TUSC3: variants seen among roughly 807,000 people sequenced by gnomAD.
TUSC3 encodes tumor suppressor candidate 3.
Under a neutral mutation model 44.8 loss-of-function variants are expected in TUSC3, and 45 were observed. The observed-to-expected ratio is 1.00, with a 90% confidence interval of 0.79 to 1.29. The LOEUF (loss-of-function observed/expected upper bound fraction) is 1.29. Among genes scored for constraint, TUSC3 ranks in the 50% most tolerant of loss-of-function variants. The pLI, the probability that TUSC3 is intolerant of heterozygous loss-of-function variation, is 0.00. For missense variants in TUSC3, 519 were observed against 437.9 expected (o/e 1.19, Z -1.65); for synonymous variants, 212 against 152.9 (o/e 1.39, Z -2.85).
intron 1 of TUSC3, among the ~76,000 whole-genome samples, chr8:15,420,736 C>T (rs774526532): frequency 2.0e-5 from 3 of 152,102 alleles, no homozygotes; most frequent in Non-Finnish European, 2.9e-5. Flanking sequence ...CTTCTTGTAA[C>T]GGCACAGTTT....
intron 3 of TUSC3, among the ~76,000 whole-genome samples, chr8:15,657,698 C>G (rs993285590): frequency 6.6e-6 from 1 of 152,160 alleles, no homozygotes; most frequent in African/African-American, 2.4e-5. Context: ...CAGATTCTTT[C>G]AGTCTCTACC....
chr8:15,851,838 C>G, the TUSC3 span, among the ~76,000 whole-genome samples: 1 of 152,100 alleles, frequency 6.6e-6, no homozygotes, highest in Non-Finnish European at 1.5e-5. Flanking sequence ...CCCATAATTC[C>G]CACGTGTTGT....
intron 1 of TUSC3, among the ~76,000 whole-genome samples, chr8:15,561,083 C>T (rs1207896455): frequency 3.2e-5 from 4 of 125,426 alleles, no homozygotes; most frequent in Non-Finnish European, 5.1e-5. Context: ...AGGCGCTCTG[C>T]GTTTTAGAGT....
At chr8:15,832,090 G>A in the TUSC3 span, among the ~76,000 whole-genome samples, 1 of 152,132 alleles carries the variant, frequency 6.6e-6, no homozygotes, top group Non-Finnish European at 1.5e-5. Flanking sequence ...ACTAACAGTG[G>A]ATTGCTCAGC....
At chr8:15,601,806 T>C (rs1422631859) in intron 1 of TUSC3, among the ~76,000 whole-genome samples, 2 of 151,708 alleles carry the variant, frequency 1.3e-5, no homozygotes, top group Non-Finnish European at 3.0e-5. Flanking sequence ...GAAGTAATTA[T>C]GGGTTTTGAG....
At chr8:15,615,644 A>G (rs1330588715) in intron 1 of TUSC3, among the ~76,000 whole-genome samples, 2 of 152,198 alleles carry the variant, frequency 1.3e-5, no homozygotes, top group African/African-American at 4.8e-5. Context: ...CAAGGAAATG[A>G]TAAATGTTTG....
chr8:15,702,199 T>G (rs1389642817), intron 6 of TUSC3, among the ~76,000 whole-genome samples: 3 of 152,130 alleles, frequency 2.0e-5, no homozygotes, highest in Non-Finnish European at 4.4e-5. Context: ...TAAAAGACTT[T>G]TCATAGGTAC....
intron 1 of TUSC3, among the ~76,000 whole-genome samples, chr8:15,563,495 G>A (rs1802551594): frequency 6.6e-6 from 1 of 152,052 alleles, no homozygotes; most frequent in African/African-American, 2.4e-5. Flanking sequence ...AGAACAGCCT[G>A]GCCAATATGG....
intron 6 of TUSC3, among the ~76,000 whole-genome samples, chr8:15,689,863 T>TGTGTGTGTGTGTGTAA (rs1554475557): frequency 2.6e-3 from 39 of 14,784 alleles, no homozygotes; most frequent in African/African-American, 4.3e-3. Flanking sequence ...TGTGTGTGTG[T>TGTGTGTGTGTGTGTAA]ATAAATATAT....
chr8:15,758,122 C>T, intron 10 of TUSC3: 2 of 1,179,686 alleles, frequency 1.7e-6, no homozygotes, highest in Non-Finnish European at 2.1e-6. Context: ...AACAAATATA[C>T]TTTCTTAACT....
rs1800558293 is a variant in TUSC3 at position 15,475,129 on chromosome 8, T to C, written n.92-8257T>C. Among the ~76,000 whole-genome samples, 2 of 152,146 alleles carry C rather than the reference T, an allele frequency of 1.3e-5. 1 individual carries two copies. Among genetic ancestry groups the C allele is most frequent in the Non-Finnish European group, 2.9e-5 (2 of 68,002 alleles). On this transcript the variant is annotated intron_variant and non_coding_transcript_variant, in intron 1 of 5. Transcript: ENST00000503191. ...AACAGCTAATATTATTGAGCAGTTA[T>C]TATGCTCTGAGGCACCATGCTACAC... is the stretch of plus-strand genomic sequence containing the variant.
the TUSC3 span, among the ~76,000 whole-genome samples, chr8:15,775,610 A>G: frequency 2.8e-5 from 4 of 141,734 alleles, no homozygotes; most frequent in Non-Finnish European, 4.5e-5. Flanking sequence ...ATTTACATGT[A>G]TGTACATATA....
chr8:15,762,279 C>T (rs1812194597), intron 10 of TUSC3, among the ~76,000 whole-genome samples: 1 of 151,520 alleles, frequency 6.6e-6, no homozygotes. Flanking sequence ...CTCTAATTGT[C>T]CTACAATAAA....
intron 1 of TUSC3, among the ~76,000 whole-genome samples, chr8:15,474,908 A>C (rs1324111013): frequency 6.6e-6 from 1 of 152,126 alleles, no homozygotes; most frequent in Admixed American, 6.5e-5. Flanking sequence ...ATAGTATTTA[A>C]ATTACTTGGC....
chr8:15,623,867 C>T (rs757436145), intron 2 of TUSC3, among the ~76,000 whole-genome samples: 4 of 152,146 alleles, frequency 2.6e-5, no homozygotes, highest in Non-Finnish European at 5.9e-5. Flanking sequence ...TACAAATTCA[C>T]AAGTAGGGTA....
At chr8:15,849,567 A>G in the TUSC3 span, among the ~76,000 whole-genome samples, 2 of 152,146 alleles carry the variant, frequency 1.3e-5, no homozygotes, top group African/African-American at 4.8e-5. Flanking sequence ...CAGGAGTTAC[A>G]ATCTCCCCTG....
chr8:15,480,602 A>G (rs908410489), intron 1 of TUSC3, among the ~76,000 whole-genome samples: 7 of 152,170 alleles, frequency 4.6e-5, no homozygotes, highest in Non-Finnish European at 7.3e-5. Flanking sequence ...TGCCATGGAC[A>G]TGTGAAATAA....
intron 1 of TUSC3, among the ~76,000 whole-genome samples, chr8:15,468,122 C>A (rs1045940760): frequency 6.6e-6 from 1 of 152,102 alleles, no homozygotes; most frequent in African/African-American, 2.4e-5. Context: ...TGATGAGTCT[C>A]TCCTGAAAAG....
intron 2 of TUSC3, among the ~76,000 whole-genome samples, chr8:15,629,661 T>A (rs968267542): frequency 6.6e-6 from 1 of 151,210 alleles, no homozygotes; most frequent in Non-Finnish European, 1.5e-5. Context: ...TTGTTTAGGA[T>A]CTTTGAAAAG....
Sources: gnomAD v4.1 joint callset for allele counts (sites outside exome capture counted in the v4.1 genomes callset) on GRCh38, gnomAD v4.1.1 for gene constraint, MANE v1.5 for transcripts, NCBI Gene and HGNC (gene_info 2026-07-23, HGNC 2026-07-21) for gene names.